SPATA21: variants seen among roughly 807,000 people sequenced by gnomAD.
The protein encoded by SPATA21 is spermatogenesis associated 21, also known as spermatogenesis-associated protein 21.
A neutral mutation model predicts 54.8 loss-of-function variants in SPATA21; 47 were observed. That is an observed-to-expected ratio of 0.86 (90% CI 0.68 to 1.09). The LOEUF (loss-of-function observed/expected upper bound fraction) is 1.09. SPATA21 is among the 50% of genes least tolerant of loss of function. SPATA21 has a pLI of 0.00. For synonymous variants in SPATA21, 245 were observed against 235.3 expected (o/e 1.04, Z -0.38); for missense variants, 599 against 596.4 (o/e 1.00, Z -0.05).
intron 10 of SPATA21, among the ~76,000 whole-genome samples, chr1:16,402,483 G>C (rs543927935): frequency 4.6e-5 from 7 of 151,428 alleles, no homozygotes; most frequent in South Asian, 2.1e-4. Context: ...GGATGCTCTC[G>C]ATCTCCTGAC....
At chr1:16,401,488 G>A (rs549244069) in intron 10 of SPATA21, among the ~76,000 whole-genome samples, 1 of 151,422 alleles carries the variant, frequency 6.6e-6, no homozygotes, top group African/African-American at 2.4e-5. Context: ...TAGAGACGTG[G>A]TCTCGCTGTG....
chr1:16,430,645 G>A (rs2086436603), intron 3 of SPATA21, among the ~76,000 whole-genome samples: 1 of 152,166 alleles, frequency 6.6e-6, no homozygotes, highest in African/African-American at 2.4e-5. Flanking sequence ...TTCTGGGTTT[G>A]CTCACCCTGC....
intron 5 of SPATA21, among the ~76,000 whole-genome samples, chr1:16,416,292 T>C (rs1469422049): frequency 6.6e-6 from 1 of 152,206 alleles, no homozygotes; most frequent in Non-Finnish European, 1.5e-5. Context: ...ACTCCACGAC[T>C]GTGCAGGATG....
At chr1:16,419,253 G>A (rs2086104004) in intron 5 of SPATA21, among the ~76,000 whole-genome samples, 1 of 152,180 alleles carries the variant, frequency 6.6e-6, no homozygotes, top group African/African-American at 2.4e-5. Flanking sequence ...CAAAGGCCCT[G>A]GGGTGAGACT....
rs1412223506 is a variant in SPATA21 at position 16,415,298 on chromosome 1, A to G, written c.145-5255T>C. 2.6e-5 allele frequency among the ~76,000 whole-genome samples: 4 copies of G among 152,130 alleles called. No individual in the cohort carries two copies. In the South Asian group the frequency reaches 8.3e-4, roughly 32 times the overall value. ...GGTTGCAGTGAGCCAAGATTGTGCC[A>G]CTGCACTCTAGCACTCTGGGTGGCA... On this transcript the variant is annotated intron_variant, in intron 5 of 12. Transcript: ENST00000335496.
chr1:16,405,687 G>A (rs907409609), intron 7 of SPATA21, among the ~76,000 whole-genome samples: 4 of 151,896 alleles, frequency 2.6e-5, no homozygotes, highest in African/African-American at 9.7e-5. Context: ...TTGCAATGGG[G>A]CTGAGAAACC....
chr1:16,420,767 G>A (rs1015164163), intron 5 of SPATA21, among the ~76,000 whole-genome samples: 1 of 152,052 alleles, frequency 6.6e-6, no homozygotes, highest in African/African-American at 2.4e-5. Flanking sequence ...GCTTCTGTTT[G>A]TCAGTGACAC....
intron 5 of SPATA21, among the ~76,000 whole-genome samples, chr1:16,420,656 G>A (rs1341952768): frequency 6.6e-6 from 1 of 152,082 alleles, no homozygotes; most frequent in African/African-American, 2.4e-5. Context: ...GAATAAATGG[G>A]GAGACAGCCA....
chr1:16,416,533 C>T (rs1435992463), intron 5 of SPATA21, among the ~76,000 whole-genome samples: 1 of 152,066 alleles, frequency 6.6e-6, no homozygotes, highest in African/African-American at 2.4e-5. Context: ...CAAAAATTAG[C>T]CACACGTGGT....
rs568415610 is a variant in SPATA21 at position 16,400,604 on chromosome 1, A to T, written c.1174+116T>A. The T allele has an allele frequency of 1.1e-4, 171 of 1,498,842 alleles. 1 individual carries two copies. The East Asian group carries it at 3.2e-3, about 28-fold the overall frequency. 92.8% of individuals were successfully genotyped at this position (1,498,842 alleles called of 1,614,324 possible). ...GTACACAGTTAAGCCCGAAGTGGGA[A>T]ACTGGCCTCTCAGCTCCCTTGGCCT... On this transcript the variant is annotated intron_variant, in intron 11 of 12. Coordinates refer to ENST00000335496, the MANE Select transcript of SPATA21 (RefSeq NM_198546.1).
chr1:16,407,705 G>A (rs1199007127), intron 7 of SPATA21, among the ~76,000 whole-genome samples: 1 of 151,954 alleles, frequency 6.6e-6, no homozygotes, highest in South Asian at 2.1e-4. Context: ...TGATCCACCC[G>A]CCTAAGCCTC....
rs560746599 is a variant in SPATA21, at chr1:16,428,165, G to T, written c.34+3173C>A. ...TGGGGAAGCTGTTGGAGAGGGGTGA[G>T]CAGGAGCTGAGAGGCAGGGATGCAG... On this transcript the variant is annotated intron_variant, in intron 3 of 12. Transcript: ENST00000335496. This position sits in a 1 kb window ranked among gnomAD's most constrained non-coding sequence, Gnocchi z 4.3. 2.7e-6 allele frequency: 3 copies of T among 1,091,470 alleles called. No individual in the cohort carries two copies. The highest frequency in any genetic ancestry group is 5.4e-5 in the East Asian group (2 of 36,874). 67.6% of individuals were successfully genotyped at this position (1,091,470 alleles called of 1,614,324 possible). A position where few individuals can be genotyped will look rare whatever the true frequency, so the allele number is the denominator to read the frequency against.
chr1:16,422,083 C>T (rs1016178490), intron 3 of SPATA21, 112 bp from the exon 4 acceptor site: 2 of 1,579,412 alleles, frequency 1.3e-6, no homozygotes, highest in Admixed American at 1.8e-5. Context: ...ACACCTGCCT[C>T]CTTGGGGTGC....
intron 5 of SPATA21, among the ~76,000 whole-genome samples, chr1:16,413,356 T>G (rs2863847): frequency 0.25 from 38,594 of 152,130 alleles, 5,757 homozygotes; most frequent in East Asian, 0.74. Context: ...TTTCCTCCCT[T>G]TTTAAGGCTG....
intron 7 of SPATA21, chr1:16,408,356 G>A: frequency 1.9e-6 from 1 of 538,386 alleles, no homozygotes; most frequent in Non-Finnish European, 2.4e-6. Flanking sequence ...TGGGGTACAT[G>A]TTTAGGCTGG....
chr1:16,416,564 G>C (rs1206324968), intron 5 of SPATA21, among the ~76,000 whole-genome samples: 3 of 152,002 alleles, frequency 2.0e-5, no homozygotes. Context: ...TGTAATCTCA[G>C]CTACTTGGGA....
At position 16,415,461 on chromosome 1, in the gene SPATA21, C is replaced by T. The variant is rs191497403; in HGVS notation, c.145-5418G>A. Among the ~76,000 whole-genome samples the T allele has an allele frequency of 2.6e-5, 4 of 152,346 alleles. No individual in the cohort carries two copies. In the East Asian group the frequency reaches 7.7e-4, roughly 29 times the overall value. ...ACTCCCCATGGCCCTCTGGGGACTA[C>T]AGGGCTTCCAAAGTCCGGGGCCTCT... On this transcript the variant is annotated intron_variant, in intron 5 of 12. Coordinates refer to ENST00000335496, the MANE Select transcript of SPATA21 (RefSeq NM_198546.1).
intron 8 of SPATA21, among the ~76,000 whole-genome samples, chr1:16,404,671 G>T (rs2085570593): frequency 6.6e-6 from 1 of 152,158 alleles, no homozygotes; most frequent in Non-Finnish European, 1.5e-5. Flanking sequence ...AGTTAGCTGG[G>T]CATGGTAGTG....
At chr1:16,425,059 C>T (rs1315857979) in intron 3 of SPATA21, 1 of 350,058 alleles carries the variant, frequency 2.9e-6, no homozygotes, top group Admixed American at 3.7e-5. Flanking sequence ...GCTGGGATTA[C>T]AGGCATGTGC....
Sources: allele counts gnomAD v4.1 joint callset (sites outside exome capture counted in the v4.1 genomes callset), GRCh38; gene constraint gnomAD v4.1.1; non-coding constraint Gnocchi (gnomAD v3.1); transcripts MANE v1.5; gene names NCBI Gene and HGNC (gene_info 2026-07-23, HGNC 2026-07-21).